ZNF562: variants seen among roughly 807,000 people sequenced by gnomAD.
The protein encoded by ZNF562 is zinc finger protein 562.
In ZNF562, 13 loss-of-function variants were observed where a neutral mutation model predicts 17.5. That is an observed-to-expected ratio of 0.74 (90% CI 0.48 to 1.18). The LOEUF is 1.18. ZNF562 is among the 50% of genes most tolerant of loss of function. The pLI is 0.00. For missense variants in ZNF562, 481 were observed against 498.5 expected (o/e 0.96, Z 0.33); for synonymous variants, 163 against 165.4 (o/e 0.99, Z 0.11).
At chr19:9,672,568 G>A (rs562034393) in intron 1 of ZNF562, among the ~76,000 whole-genome samples, 3 of 152,014 alleles carry the variant, frequency 2.0e-5, no homozygotes, top group Non-Finnish European at 4.4e-5. Context: ...GTCCAAACAT[G>A]CTCTTAATAA....
rs939941469 is a variant in ZNF562, at chr19:9,649,300, A to G, written c.*3649T>C. The G allele has an allele frequency of 6.6e-6, 1 of 152,222 alleles. No individual in the cohort carries two copies. The highest frequency in any genetic ancestry group is 2.4e-5 in the African/African-American group (1 of 41,462). The allele number at this position is 152,222 out of a possible 1,614,324, so 9.4% of individuals were successfully genotyped here. On this transcript the variant is annotated 3_prime_UTR_variant, in exon 6 of 6. Transcript: ENST00000453372. ...TGTAATAATTGCATTAACTGCACAA[A>G]TTATACAGCATGTGTGTTTGAGCAA... is the stretch of plus-strand genomic sequence containing the variant.
At chr19:9,657,046 A>G (rs2043520199) in intron 4 of ZNF562, among the ~76,000 whole-genome samples, 1 of 149,982 alleles carries the variant, frequency 6.7e-6, no homozygotes, top group African/African-American at 2.4e-5. Context: ...TCTCAAAAAA[A>G]AAAAAGAAAA....
intron 1 of ZNF562, among the ~76,000 whole-genome samples, chr19:9,662,871 C>T (rs1286691439): frequency 2.0e-5 from 3 of 151,588 alleles, no homozygotes; most frequent in Non-Finnish European, 4.4e-5. Context: ...AAATACAAAC[C>T]TTAGCCACTC....
At chr19:9,661,583 C>G (rs985252210) in intron 1 of ZNF562, among the ~76,000 whole-genome samples, 1 of 152,132 alleles carries the variant, frequency 6.6e-6, no homozygotes, top group African/African-American at 2.4e-5. Context: ...ATCACGAGGT[C>G]AGGAGTTCCA....
At chr19:9,656,803 T>C in intron 4 of ZNF562, 150 bp from the exon 5 acceptor site, 1 of 674,168 alleles carries the variant, frequency 1.5e-6, no homozygotes, top group Non-Finnish European at 2.5e-6. Flanking sequence ...GGTGGGTGGA[T>C]CACGAGGTCA....
chr19:9,648,985 C>T lies in ZNF562; in HGVS notation c.*3964G>A, dbSNP rs2074831985. 1.3e-5 allele frequency: 2 copies of T among 152,164 alleles called. No individual in the cohort carries two copies. The highest frequency in any genetic ancestry group is 4.1e-4 in the South Asian group (2 of 4,842). The allele number at this position is 152,164 out of a possible 1,614,324, so 9.4% of individuals were successfully genotyped here. On this transcript the variant is annotated 3_prime_UTR_variant, in exon 6 of 6. Transcript: ENST00000453372. ...AACTGGATATAAAGAAAAAACTTTT[C>T]CTGCAGGACATTGTTGCAGGAAGTC...
At position 9,646,001 on chromosome 19, in the gene ZNF562, C is replaced by G. The variant is rs2074803739; in HGVS notation, c.*6948G>C. Reference sequence around the variant, plus strand: ...TGCTAGAAATTAATCCAAATTATTACTAATTAAATGTCAGGCACTAAATGT... The same window carrying G: ...TGCTAGAAATTAATCCAAATTATTAGTAATTAAATGTCAGGCACTAAATGT... On this transcript the variant is annotated 3_prime_UTR_variant, in exon 6 of 6. Transcript: ENST00000453372. 6.6e-6 allele frequency: 1 copy of G among 150,474 alleles called. No individual in the cohort carries two copies. Among genetic ancestry groups the G allele is most frequent in the African/African-American group, 2.4e-5 (1 of 40,992 alleles). 9.3% of individuals were successfully genotyped at this position (150,474 alleles called of 1,614,324 possible).
chr19:9,654,860 C>T (rs188946860), intron 5 of ZNF562, among the ~76,000 whole-genome samples: 16 of 152,280 alleles, frequency 1.1e-4, no homozygotes, highest in Middle Eastern at 3.4e-3. Context: ...CCATGAGCTA[C>T]CAAGTCAGCC....
Position 9,653,179 on chromosome 19 carries a change from G to A in ZNF562, c.1051C>T (p.Gln351Ter), listed in dbSNP as rs1422445788. The part of the protein sequence containing the change: ...IKPYECKECG[Q>*]AFTQYTGLAI... ...AGGCCCGTGTACTGAGTGAAGGCTT[G>A]GCCACATTCCTTACATTCATAGGGT... is the stretch of plus-strand genomic sequence containing the variant. Residue 351 changes from glutamine to a stop codon, truncating the protein, a stop_gained, in exon 6 of 6, where the codon CAA (glutamine) becomes TAA (stop). Transcript: ENST00000453372. LOFTEE classifies it low-confidence loss of function (END_TRUNC). 10 of 1,613,572 alleles carry A rather than the reference G, an allele frequency of 6.2e-6. No individual in the cohort carries two copies. Among genetic ancestry groups the A allele is most frequent in the Non-Finnish European group, 8.5e-6 (10 of 1,179,884 alleles).
chr19:9,664,901 T>G (rs2043888867), intron 1 of ZNF562, among the ~76,000 whole-genome samples: 1 of 151,724 alleles, frequency 6.6e-6, no homozygotes, highest in Admixed American at 6.6e-5. Context: ...TATAACACAT[T>G]TCTATATATG....
At chr19:9,670,010 C>A (rs1210257675) in intron 1 of ZNF562, among the ~76,000 whole-genome samples, 2 of 152,058 alleles carry the variant, frequency 1.3e-5, no homozygotes, top group Non-Finnish European at 2.9e-5. Flanking sequence ...TGCAGTGAAC[C>A]AAGATCGTGC....
intron 2 of ZNF562, among the ~76,000 whole-genome samples, chr19:9,660,499 G>C (rs1001109804): frequency 6.6e-6 from 1 of 151,806 alleles, no homozygotes; most frequent in Non-Finnish European, 1.5e-5. Context: ...CCAGTGACTC[G>C]GGTGGGTGAG....
At chr19:9,663,820 G>T (rs1568274900) in intron 1 of ZNF562, among the ~76,000 whole-genome samples, 1 of 152,130 alleles carries the variant, frequency 6.6e-6, no homozygotes, top group East Asian at 1.9e-4. Context: ...GGGACTACAG[G>T]ACTCCAGAGT....
At chr19:9,654,335 C>T (rs1201306249) in intron 5 of ZNF562, among the ~76,000 whole-genome samples, 3 of 152,118 alleles carry the variant, frequency 2.0e-5, no homozygotes, top group South Asian at 2.1e-4. Flanking sequence ...ATTGCCTGGT[C>T]TATAGTGCAC....
intron 1 of ZNF562, among the ~76,000 whole-genome samples, chr19:9,664,645 A>T: frequency 6.6e-6 from 1 of 152,224 alleles, no homozygotes; most frequent in Non-Finnish European, 1.5e-5. Flanking sequence ...GCCGTTTTTG[A>T]AAAGTTTCTC....
rs528719936 is a variant in ZNF562, at chr19:9,651,230, G to A, written c.*1719C>T. On this transcript the variant is annotated 3_prime_UTR_variant, in exon 6 of 6. Coordinates refer to ENST00000453372, the MANE Select transcript of ZNF562 (RefSeq NM_001130031.2). Reference sequence around the variant, plus strand: ...GGTTGGTAAGGGTTATTCTGGTGAGGTGTCATTGGGGAATGAGGAACATGC... The same window carrying A: ...GGTTGGTAAGGGTTATTCTGGTGAGATGTCATTGGGGAATGAGGAACATGC... 1 of 152,154 alleles carries A rather than the reference G, an allele frequency of 6.6e-6. No individual in the cohort carries two copies. The highest frequency in any genetic ancestry group is 2.4e-5 in the African/African-American group (1 of 41,426). 9.4% of individuals were successfully genotyped at this position (152,154 alleles called of 1,614,324 possible).
chr19:9,664,035 G>A (rs1437861551), intron 1 of ZNF562, among the ~76,000 whole-genome samples: 1 of 152,118 alleles, frequency 6.6e-6, no homozygotes, highest in African/African-American at 2.4e-5. Context: ...GATTACAGGT[G>A]TGAGCCACCA....
At chr19:9,667,050 G>A (rs922740000) in intron 1 of ZNF562, among the ~76,000 whole-genome samples, 1 of 152,006 alleles carries the variant, frequency 6.6e-6, no homozygotes, top group Non-Finnish European at 1.5e-5. Context: ...TCAAAAACCA[G>A]ACAAGAGCAC....
chr19:9,660,084 A>G (rs2043679101), intron 2 of ZNF562, among the ~76,000 whole-genome samples: 1 of 111,006 alleles, frequency 9.0e-6, no homozygotes, highest in African/African-American at 3.9e-5. Context: ...GTGAGACTCC[A>G]TCTCAAAAAA....
Sources: gnomAD v4.1 joint callset for allele counts (sites outside exome capture counted in the v4.1 genomes callset) on GRCh38, gnomAD v4.1.1 for gene constraint, MANE v1.5 for transcripts, NCBI Gene and HGNC (gene_info 2026-07-23, HGNC 2026-07-21) for gene names.